Variants in GRID2 observed in about 807,000 individuals in gnomAD.
GRID2 encodes the protein glutamate receptor ionotropic, delta-2.
Under a neutral mutation model 114.8 loss-of-function variants are expected in GRID2, and 33 were observed. The ratio of observed to expected loss-of-function variants is 0.29; its 90% CI spans 0.22 to 0.38. GRID2 has a LOEUF of 0.38. Ranked by LOEUF, GRID2 falls within the 10% of genes least tolerant of loss-of-function variation. The probability of loss-of-function intolerance (pLI) is 1.00; values close to 1 mark genes in which losing one functional copy is unlikely to be tolerated. For missense variants in GRID2, 1,184 were observed against 1,257.7 expected (o/e 0.94, Z 0.89); for synonymous variants, 505 against 449.9 (o/e 1.12, Z -1.55).
In GRID2 at chr4:93,701,212, AC is replaced by A. The variant is rs567309646; in HGVS notation, c.2361-67997del. 2.7e-3 allele frequency among the ~76,000 whole-genome samples: 404 copies of A among 152,294 alleles called. 4 individuals are homozygous for A. The highest frequency in any genetic ancestry group is 9.3e-3 in the African/African-American group (386 of 41,576). On this transcript the variant is annotated intron_variant, in intron 14 of 15. Transcript: ENST00000282020. ...CACATGACTTGTCCACTTCCATCTT[AC>A]AGGAAAATTGGAAAAGGAATGATTT... is the stretch of plus-strand genomic sequence containing the variant.
At chr4:92,542,563 T>C (rs1024575276) in intron 1 of GRID2, among the ~76,000 whole-genome samples, 1 of 151,854 alleles carries the variant, frequency 6.6e-6, no homozygotes, top group South Asian at 2.1e-4. Flanking sequence ...TTCTCACTTA[T>C]AAGTGAGAGC....
intron 4 of GRID2, among the ~76,000 whole-genome samples, chr4:93,117,179 G>C (rs1733349939): frequency 1.3e-5 from 2 of 152,094 alleles, no homozygotes; most frequent in Non-Finnish European, 2.9e-5. Flanking sequence ...AGATTGAGTA[G>C]ATAGAAGATG....
At chr4:92,582,343 A>G (rs1201056546) in intron 1 of GRID2, among the ~76,000 whole-genome samples, 4 of 152,110 alleles carry the variant, frequency 2.6e-5, no homozygotes, top group African/African-American at 7.2e-5. Flanking sequence ...GTCATAGTCC[A>G]TATTCTATTG....
chr4:92,799,565 C>G (rs929460584), intron 2 of GRID2, among the ~76,000 whole-genome samples: 1 of 151,962 alleles, frequency 6.6e-6, no homozygotes, highest in East Asian at 1.9e-4. Context: ...CATCTTTTTT[C>G]TTCGTGTGCA....
At chr4:93,335,661 CT>C (rs1243779826) in intron 8 of GRID2, among the ~76,000 whole-genome samples, 4 of 148,522 alleles carry the variant, frequency 2.7e-5, no homozygotes, top group African/African-American at 7.6e-5. Context: ...TGTTTTGCTT[CT>C]TGTTTTTTCT....
chr4:92,858,067 A>G (rs1186333106), intron 2 of GRID2, among the ~76,000 whole-genome samples: 1 of 152,198 alleles, frequency 6.6e-6, no homozygotes, highest in Non-Finnish European at 1.5e-5. Flanking sequence ...TAGTGTTCAG[A>G]AAACAAAATT....
intron 14 of GRID2, among the ~76,000 whole-genome samples, chr4:93,636,464 C>G (rs1721423499): frequency 6.6e-6 from 1 of 151,978 alleles, no homozygotes; most frequent in Non-Finnish European, 1.5e-5. Context: ...CACACACATA[C>G]TCTCCAGAGT....
intron 2 of GRID2, among the ~76,000 whole-genome samples, chr4:92,916,878 G>A (rs1748848277): frequency 1.3e-5 from 2 of 152,166 alleles, no homozygotes; most frequent in African/African-American, 4.8e-5. Flanking sequence ...TATATACCCA[G>A]TAATGGGATG....
intron 4 of GRID2, among the ~76,000 whole-genome samples, chr4:93,162,192 A>T (rs1737752900): frequency 6.6e-6 from 1 of 151,910 alleles, no homozygotes; most frequent in Admixed American, 6.6e-5. Flanking sequence ...GAATGAAAAA[A>T]ATCTTAGGCA....
At chr4:93,408,545 T>C (rs975549326) in intron 9 of GRID2, among the ~76,000 whole-genome samples, 4 of 152,108 alleles carry the variant, frequency 2.6e-5, no homozygotes, top group African/African-American at 9.7e-5. Context: ...ATTATAGGAA[T>C]CTCCGTTTAA....
rs1177797753 is a variant in GRID2, at chr4:93,422,818, G to T, written c.1395G>T (p.Lys465Asn). The change falls in exon 10 of 16, where the codon AAG becomes AAT. Residue 465 changes from lysine to asparagine, a missense_variant. Lys to Asn is a moderately conservative substitution (Grantham distance 94, BLOSUM62 0). This residue lies in a region of GRID2 where 717 missense variants were observed against 796.9 expected (regional missense o/e 0.90). Coordinates refer to ENST00000282020, the MANE Select transcript of GRID2 (RefSeq NM_001510.4). ...CTGAAAATGTCTTGGGTAAGCCGAA[G>T]AAATACCAGGGCTTCTCCATTGATG... is the stretch of plus-strand genomic sequence containing the variant. Reference protein sequence around the residue: ...MVSENVLGKPKKYQGFSIDVL... With the variant: ...MVSENVLGKPNKYQGFSIDVL... 1 of 1,613,802 alleles carries T rather than the reference G, an allele frequency of 6.2e-7. No individual in the cohort carries two copies. Among genetic ancestry groups the T allele is most frequent in the Admixed American group, 1.7e-5 (1 of 60,026 alleles).
chr4:93,578,068 ACTT>A (rs766494194), intron 13 of GRID2, among the ~76,000 whole-genome samples: 24 of 151,986 alleles, frequency 1.6e-4, no homozygotes, highest in Non-Finnish European at 2.8e-4. Flanking sequence ...ACTGTTGAGA[ACTT>A]CTTTCACAGC....
At chr4:93,075,004 G>C (rs774033173) in intron 2 of GRID2, among the ~76,000 whole-genome samples, 1 of 152,166 alleles carries the variant, frequency 6.6e-6, no homozygotes, top group Non-Finnish European at 1.5e-5. Flanking sequence ...TCCGGGCCCA[G>C]AAAGTTTCAC....
chr4:93,580,148 C>T (rs1736819056), intron 13 of GRID2, among the ~76,000 whole-genome samples: 1 of 152,164 alleles, frequency 6.6e-6, no homozygotes, highest in Non-Finnish European at 1.5e-5. Context: ...AACATTTCTT[C>T]TTTGGTGTGT....
At chr4:92,606,307 A>G (rs1729447127) in intron 2 of GRID2, among the ~76,000 whole-genome samples, 1 of 151,936 alleles carries the variant, frequency 6.6e-6, no homozygotes, top group African/African-American at 2.4e-5. Flanking sequence ...TATGAGGTAT[A>G]AGGTAGTTAC....
intron 2 of GRID2, among the ~76,000 whole-genome samples, chr4:92,857,413 G>T (rs1027636025): frequency 6.6e-6 from 1 of 152,158 alleles, no homozygotes; most frequent in Admixed American, 6.5e-5. Flanking sequence ...TTACTCCAGT[G>T]AACCCATGGA....
intron 4 of GRID2, among the ~76,000 whole-genome samples, chr4:93,121,328 C>T (rs1733765007): frequency 6.6e-6 from 1 of 152,126 alleles, no homozygotes; most frequent in Non-Finnish European, 1.5e-5. Flanking sequence ...CATGCACGCT[C>T]CAGTTAAGAT....
intron 2 of GRID2, among the ~76,000 whole-genome samples, chr4:92,912,092 T>C (rs1448383510): frequency 9.2e-5 from 14 of 151,898 alleles, no homozygotes; most frequent in Admixed American, 7.2e-4. Context: ...TACTTTACTA[T>C]ATTATTGCTG....
chr4:93,778,735 T>C (rs916845163), downstream of GRID2, among the ~76,000 whole-genome samples: 5 of 152,302 alleles, frequency 3.3e-5, no homozygotes, highest in South Asian at 1.0e-3. Flanking sequence ...AAAGAGTAAC[T>C]GAATAATTAA....
Sources: allele counts gnomAD v4.1 joint callset (sites outside exome capture counted in the v4.1 genomes callset), GRCh38; gene constraint gnomAD v4.1.1; regional missense constraint gnomAD v4.1.1; transcripts MANE v1.5; gene names NCBI Gene and HGNC (gene_info 2026-07-23, HGNC 2026-07-21).